Variants in GLDN observed in about 807,000 individuals in gnomAD.
GLDN encodes gliomedin, also known as collomin.
A neutral mutation model predicts 56.5 loss-of-function variants in GLDN; 47 were observed. The observed-to-expected ratio is 0.83, with a 90% confidence interval of 0.66 to 1.06. GLDN has a LOEUF of 1.06. GLDN is among the 50% of genes least tolerant of loss of function. GLDN has a pLI of 0.00. For missense variants in GLDN, 782 were observed against 714.3 expected (o/e 1.09, Z -1.08); for synonymous variants, 332 against 278.8 (o/e 1.19, Z -1.90).
chr15:51,394,822 T>C lies in GLDN; in HGVS notation c.542-13T>C, dbSNP rs754649338. 2 of 1,612,572 alleles carry C rather than the reference T, an allele frequency of 1.2e-6. No homozygotes were observed. Among genetic ancestry groups the C allele is most frequent in the South Asian group, 1.1e-5 (1 of 90,324 alleles). On this transcript the variant is annotated splice_polypyrimidine_tract_variant and intron_variant, in intron 4 of 9. Transcript: ENST00000335449. ...GCACCATAGGCTAATATGTCTTTTG[T>C]TTTTTTGGTCAGGGATACCTGGAGC...
intron 9 of GLDN, among the ~76,000 whole-genome samples, chr15:51,404,022 G>A (rs2038312664): frequency 7.0e-6 from 1 of 142,968 alleles, no homozygotes; most frequent in Non-Finnish European, 1.5e-5. Context: ...TCTGACTTTG[G>A]TGATTATTCT....
At chr15:51,387,230 A>G (rs12904528) in intron 4 of GLDN, among the ~76,000 whole-genome samples, 44 of 152,272 alleles carry the variant, frequency 2.9e-4, no homozygotes, top group African/African-American at 1.0e-3. Flanking sequence ...ACGTTCATCA[A>G]CAAATACTTA....
intron 1 of GLDN, among the ~76,000 whole-genome samples, chr15:51,355,713 C>T (rs2445775): frequency 0.68 from 100,898 of 147,626 alleles, 34,683 homozygotes; most frequent in East Asian, 0.79. Context: ...TTAGTAGAGA[C>T]GGGGTTTCAC....
chr15:51,397,434 G>A, intron 5 of GLDN, 36 bp from the exon 6 acceptor site: 2 of 1,152,096 alleles, frequency 1.7e-6, no homozygotes. Flanking sequence ...TCTACCTCTT[G>A]CCTCCTTCTC....
At chr15:51,348,626 G>A (rs2037021468) in intron 1 of GLDN, among the ~76,000 whole-genome samples, 1 of 151,944 alleles carries the variant, frequency 6.6e-6, no homozygotes, top group Non-Finnish European at 1.5e-5. Flanking sequence ...GAACCACTGT[G>A]TCTAGCCTGA....
rs183254897 is a variant in GLDN at position 51,401,465 on chromosome 15, C to A, written c.1028-128C>A. On this transcript the variant is annotated intron_variant, in intron 8 of 9. Coordinates refer to ENST00000335449, the MANE Select transcript of GLDN (RefSeq NM_181789.4). ...GCTTGGGAGTCTTAGACTCTTCACA[C>A]TGGACAAGGGACCTTAGGGAACATT... 6.4e-6 allele frequency: 5 copies of A among 784,910 alleles called. No homozygotes were observed. The South Asian group carries it at 6.8e-5, about 11-fold the overall frequency. The allele number at this position is 784,910 out of a possible 1,614,324, so 48.6% of individuals were successfully genotyped here. A position where few individuals can be genotyped will look rare whatever the true frequency, so the allele number is the denominator to read the frequency against.
Position 51,407,177 on chromosome 15 carries a change from A to C in GLDN, c.*2423A>C, listed in dbSNP as rs138088986. On this transcript the variant is annotated 3_prime_UTR_variant, in exon 10 of 10. Coordinates refer to ENST00000335449, the MANE Select transcript of GLDN (RefSeq NM_181789.4). ...TTTTCTTTTTTCTTTTTTTTTTGCTATGACAGAGTAATGCTAACGTAAGGA... is the reference window on the plus strand; with the variant it reads ...TTTTCTTTTTTCTTTTTTTTTTGCTCTGACAGAGTAATGCTAACGTAAGGA... The C allele has an allele frequency of 1.6e-4, 24 of 151,100 alleles. No individual in the cohort carries two copies. The highest frequency in any genetic ancestry group is 5.1e-4 in the African/African-American group (21 of 41,148). The allele number at this position is 151,100 out of a possible 1,614,324, so 9.4% of individuals were successfully genotyped here.
intron 1 of GLDN, among the ~76,000 whole-genome samples, chr15:51,353,084 T>C (rs2037105290): frequency 6.6e-6 from 1 of 152,228 alleles, no homozygotes; most frequent in Non-Finnish European, 1.5e-5. Context: ...TTTTAGACTC[T>C]GCATTCTGAT....
Position 51,394,924 on chromosome 15 carries a change from G to T in GLDN, c.631G>T (p.Gly211Trp), listed in dbSNP as rs763534673. The T allele has an allele frequency of 6.2e-7, 1 of 1,612,170 alleles. No individual in the cohort carries two copies. The highest frequency in any genetic ancestry group is 8.5e-7 in the Non-Finnish European group (1 of 1,179,164). Reference protein sequence around the residue: ...LGLQGNEGPPGQKGEKGDKGD... With the variant: ...LGLQGNEGPPWQKGEKGDKGD... The stretch of plus-strand genomic sequence containing the variant: ...CCTGCAGGGAAATGAGGGCCCACCA[G>T]GGCAGAAGGGAGAAAAGGGTGACAA... Residue 211 changes from glycine to tryptophan, a missense_variant, in exon 5 of 10, where the codon GGG becomes TGG. Physicochemically the swap from Gly to Trp is radical, Grantham distance 184. Coordinates refer to ENST00000335449, the MANE Select transcript of GLDN (RefSeq NM_181789.4).
At chr15:51,408,752 A>G (rs566035523), downstream of GLDN, among the ~76,000 whole-genome samples, 2 of 152,124 alleles carry the variant, frequency 1.3e-5, no homozygotes, top group East Asian at 3.9e-4. Flanking sequence ...TCATTGTTCA[A>G]TTCCCACCTA....
chr15:51,342,390 GC>G (rs1476543530), intron 1 of GLDN, among the ~76,000 whole-genome samples: 1 of 152,226 alleles, frequency 6.6e-6, no homozygotes, highest in Non-Finnish European at 1.5e-5. Flanking sequence ...TGGAGCCGCA[GC>G]AGCCTTGGGG....
intron 4 of GLDN, among the ~76,000 whole-genome samples, chr15:51,386,367 C>T (rs1292063767): frequency 6.6e-6 from 1 of 152,188 alleles, no homozygotes; most frequent in Non-Finnish European, 1.5e-5. Flanking sequence ...AGAGCGAGAG[C>T]CACATTGTCC....
chr15:51,350,142 A>G (rs1028654911), intron 1 of GLDN, among the ~76,000 whole-genome samples: 1 of 152,170 alleles, frequency 6.6e-6, no homozygotes, highest in African/African-American at 2.4e-5. Flanking sequence ...GGAATGCAAG[A>G]CAGAGGCACC....
At chr15:51,397,425 C>G in intron 5 of GLDN, 45 bp from the exon 6 acceptor site, 1 of 1,049,146 alleles carries the variant, frequency 9.5e-7, no homozygotes, top group South Asian at 3.2e-5. Flanking sequence ...CTTCCCCCTT[C>G]TACCTCTTGC....
chr15:51,389,723 G>T (rs1301690633), intron 4 of GLDN, among the ~76,000 whole-genome samples: 1 of 152,118 alleles, frequency 6.6e-6, no homozygotes, highest in Admixed American at 6.5e-5. Flanking sequence ...ATGAGAATTT[G>T]ATTTTTCGAG....
Position 51,355,653 on chromosome 15 carries a change from A to G in GLDN, c.363+13606A>G, listed in dbSNP as rs377435867. Among the ~76,000 whole-genome samples, 61 of 150,082 alleles carry G rather than the reference A, an allele frequency of 4.1e-4. 1 individual carries two copies. The East Asian group carries it at 9.4e-3, about 23-fold the overall frequency. On this transcript the variant is annotated intron_variant, in intron 1 of 9. Coordinates refer to ENST00000335449, the MANE Select transcript of GLDN (RefSeq NM_181789.4). ...ATTCTCCTGCCTCAGCCTCCTGAGTAGCTGGGACCACAGGCACGCACCAAC... is the reference window on the plus strand; with the variant it reads ...ATTCTCCTGCCTCAGCCTCCTGAGTGGCTGGGACCACAGGCACGCACCAAC...
intron 1 of GLDN, among the ~76,000 whole-genome samples, chr15:51,373,444 A>G (rs535520661): frequency 2.0e-5 from 3 of 152,214 alleles, no homozygotes; most frequent in Non-Finnish European, 4.4e-5. Flanking sequence ...TTTACTGATA[A>G]AAGTTCGTGT....
intron 1 of GLDN, among the ~76,000 whole-genome samples, chr15:51,372,405 C>A (rs879130982): frequency 6.6e-6 from 1 of 152,350 alleles, no homozygotes; most frequent in Admixed American, 6.5e-5. Context: ...CATTGATCTT[C>A]CCACCTGGGA....
intron 4 of GLDN, among the ~76,000 whole-genome samples, chr15:51,392,878 C>T (rs1025496311): frequency 6.6e-6 from 1 of 152,318 alleles, no homozygotes; most frequent in African/African-American, 2.4e-5. Context: ...CATCTGCAAA[C>T]GGTCTTCATC....
Sources: gnomAD v4.1 joint callset for allele counts (sites outside exome capture counted in the v4.1 genomes callset) on GRCh38, gnomAD v4.1.1 for gene constraint, MANE v1.5 for transcripts, NCBI Gene and HGNC (gene_info 2026-07-23, HGNC 2026-07-21) for gene names.